The following DNAJC10 variants were observed in gnomAD, a reference collection of about 807,000 sequenced individuals.
DNAJC10 encodes the protein DnaJ heat shock protein family (Hsp40) member C10.
In DNAJC10, 101 loss-of-function variants were observed where a neutral mutation model predicts 115.0. The observed-to-expected ratio is 0.88, with a 90% CI of 0.75 to 1.04. The LOEUF (loss-of-function observed/expected upper bound fraction) is 1.04, where lower values mean the gene tolerates loss of function less well. Among genes scored for constraint, DNAJC10 ranks in the 50% least tolerant of loss-of-function variants. The pLI, the probability that DNAJC10 is intolerant of heterozygous loss-of-function variation, is 0.00. For missense variants in DNAJC10, 981 were observed against 928.8 expected (o/e 1.06, Z -0.73); for synonymous variants, 307 against 301.5 (o/e 1.02, Z -0.19).
At chr2:182,755,859 A>T (rs1361554466) in intron 17 of DNAJC10, among the ~76,000 whole-genome samples, 2 of 152,194 alleles carry the variant, frequency 1.3e-5, no homozygotes, top group Non-Finnish European at 2.9e-5. Flanking sequence ...CCATGCAGAA[A>T]CTTAAAGTTG....
At chr2:182,724,854 A>G (rs1298156960) in intron 5 of DNAJC10, among the ~76,000 whole-genome samples, 1 of 152,202 alleles carries the variant, frequency 6.6e-6, no homozygotes, top group African/African-American at 2.4e-5. Flanking sequence ...TTACTCAGCA[A>G]TCAGTGGGAA....
chr2:182,728,523 G>A, intron 5 of DNAJC10, 53 bp from the exon 6 acceptor site: 1 of 1,332,840 alleles, frequency 7.5e-7, no homozygotes, highest in African/African-American at 1.5e-5. Context: ...ACTAAAATAT[G>A]CATGAACCTT....
chr2:182,722,721 G>A (rs1465367998), intron 5 of DNAJC10, among the ~76,000 whole-genome samples: 2 of 151,996 alleles, frequency 1.3e-5, no homozygotes, highest in African/African-American at 2.4e-5. Flanking sequence ...CAGGCAGATC[G>A]CTTGAGATCA....
chr2:182,773,504 T>C (rs1694622128), intron 22 of DNAJC10, among the ~76,000 whole-genome samples: 1 of 152,212 alleles, frequency 6.6e-6, no homozygotes, highest in South Asian at 2.1e-4. Flanking sequence ...AGTCCCATAT[T>C]TCTTGGAGGT....
In DNAJC10 at chr2:182,784,658, G is replaced by A; in HGVS notation, c.*7526G>A. 1 of 152,140 alleles carries A rather than the reference G, an allele frequency of 6.6e-6. No individual in the cohort carries two copies. Among genetic ancestry groups the A allele is most frequent in the South Asian group, 2.1e-4 (1 of 4,828 alleles). 9.4% of individuals were successfully genotyped at this position (152,140 alleles called of 1,614,324 possible). On this transcript the variant is annotated 3_prime_UTR_variant, in exon 24 of 24. Transcript: ENST00000264065. Reference sequence around the variant, plus strand: ...TAAATAATGATAAGTTTAATTTGCAGCCCTTATAGCTTAGAGGCATTGTAG... The same window carrying A: ...TAAATAATGATAAGTTTAATTTGCAACCCTTATAGCTTAGAGGCATTGTAG...
At position 182,783,425 on chromosome 2, in the gene DNAJC10, CAT is replaced by C. The variant is rs1694890441; in HGVS notation, c.*6297_*6298del. ...GTATATGGCGTTAAGGCAAAAAATA[CAT>C]ATACACACACAAAAAAAATATTTCA... On this transcript the variant is annotated 3_prime_UTR_variant, in exon 24 of 24. Coordinates refer to ENST00000264065, the MANE Select transcript of DNAJC10 (RefSeq NM_018981.4). 6.6e-6 allele frequency: 1 copy of C among 152,100 alleles called. No individual in the cohort carries two copies. The highest frequency in any genetic ancestry group is 1.5e-5 in the Non-Finnish European group (1 of 68,012). The allele number at this position is 152,100 out of a possible 1,614,324, so 9.4% of individuals were successfully genotyped here.
intron 22 of DNAJC10, among the ~76,000 whole-genome samples, chr2:182,767,309 G>A (rs547649045): frequency 2.6e-5 from 4 of 152,310 alleles, no homozygotes; most frequent in East Asian, 3.9e-4. Context: ...CTAAGGTTCC[G>A]TGATCAGGAA....
chr2:182,756,568 T>G, intron 18 of DNAJC10, 99 bp downstream of exon 18: 1 of 1,169,312 alleles, frequency 8.6e-7, no homozygotes, highest in South Asian at 1.5e-5. Context: ...CACAACTAAA[T>G]TATTACTTAA....
At chr2:182,723,507 A>G (rs776642269) in intron 5 of DNAJC10, among the ~76,000 whole-genome samples, 41 of 152,230 alleles carry the variant, frequency 2.7e-4, no homozygotes, top group Non-Finnish European at 3.7e-4. Flanking sequence ...AAATAAGACA[A>G]TTTGATTCAT....
At chr2:182,741,539 A>T (rs991031847) in intron 13 of DNAJC10, among the ~76,000 whole-genome samples, 183 bp downstream of exon 13, 11 of 152,044 alleles carry the variant, frequency 7.2e-5, no homozygotes, top group African/African-American at 2.7e-4. Context: ...ATGTAATCTG[A>T]AAGTGGTTAA....
At chr2:182,734,734 TG>T (rs1693543434) in intron 10 of DNAJC10, among the ~76,000 whole-genome samples, 1 of 151,850 alleles carries the variant, frequency 6.6e-6, no homozygotes, top group Non-Finnish European at 1.5e-5. Context: ...TCTATTTTGA[TG>T]CTTTGTTATT....
chr2:182,766,264 A>G (rs1286344265), intron 22 of DNAJC10, among the ~76,000 whole-genome samples: 2 of 152,196 alleles, frequency 1.3e-5, no homozygotes, highest in South Asian at 2.1e-4. Flanking sequence ...GACCACATCT[A>G]TGGTCATACT....
intron 22 of DNAJC10, among the ~76,000 whole-genome samples, chr2:182,766,782 T>C (rs1694423327): frequency 6.6e-6 from 1 of 152,118 alleles, no homozygotes; most frequent in Admixed American, 6.6e-5. Flanking sequence ...CACCTAATCA[T>C]ACAAATGTTC....
intron 5 of DNAJC10, among the ~76,000 whole-genome samples, chr2:182,723,796 C>G (rs187878373): frequency 6.6e-6 from 1 of 152,278 alleles, no homozygotes; most frequent in Admixed American, 6.5e-5. Context: ...TCAGATGTGT[C>G]ACTATGCAGA....
rs1211731252 is a variant in DNAJC10 at position 182,786,419 on chromosome 2, T to G, written c.*9287T>G. Reference sequence around the variant, plus strand: ...CTGGAAAATTGTAATCCTGTTCCCTTCACTGAGGTCATAATACTGAATTCT... The same window carrying G: ...CTGGAAAATTGTAATCCTGTTCCCTGCACTGAGGTCATAATACTGAATTCT... On this transcript the variant is annotated 3_prime_UTR_variant, in exon 24 of 24. Transcript: ENST00000264065. 3.9e-5 allele frequency: 6 copies of G among 152,178 alleles called. No homozygotes were observed. The highest frequency in any genetic ancestry group is 8.8e-5 in the Non-Finnish European group (6 of 68,034). 9.4% of individuals were successfully genotyped at this position (152,178 alleles called of 1,614,324 possible). A position where few individuals can be genotyped will look rare whatever the true frequency, so the allele number is the denominator to read the frequency against.
intron 16 of DNAJC10, 41 bp from the exon 17 acceptor site, chr2:182,754,962 A>C: frequency 7.1e-7 from 1 of 1,414,584 alleles, no homozygotes; most frequent in Middle Eastern, 1.8e-4. Context: ...CAAATAGGTG[A>C]AATCTATAAA....
intron 22 of DNAJC10, among the ~76,000 whole-genome samples, chr2:182,766,952 C>T (rs140483278): frequency 6.6e-6 from 1 of 152,066 alleles, no homozygotes; most frequent in Non-Finnish European, 1.5e-5. Context: ...GAGGAAAAGG[C>T]TCCAGTCTGT....
At position 182,740,386 on chromosome 2, in the gene DNAJC10, G is replaced by T; in HGVS notation, c.1075G>T (p.Glu359Ter). The change falls in exon 12 of 24, where the codon GAG becomes TAG. Residue 359 changes from glutamate to a stop codon, truncating the protein, a stop_gained and splice_region_variant. Coordinates refer to ENST00000264065, the MANE Select transcript of DNAJC10 (RefSeq NM_018981.4). LOFTEE classifies it high-confidence loss of function. Reference sequence around the variant, plus strand: ...TGAACTACTTTCGGCAAACACACTAGAGGTAATGTTTTTATTAATAATGAT... The same window carrying T: ...TGAACTACTTTCGGCAAACACACTATAGGTAATGTTTTTATTAATAATGAT... The part of the protein sequence containing the change: ...DFELLSANTL[E>*]DRLAHHRWLL... The T allele has an allele frequency of 6.4e-7, 1 of 1,564,190 alleles. No homozygotes were observed. Among genetic ancestry groups the T allele is most frequent in the Non-Finnish European group, 8.6e-7 (1 of 1,162,256 alleles).
chr2:182,766,474 A>G (rs1694415382), intron 22 of DNAJC10, among the ~76,000 whole-genome samples: 1 of 152,212 alleles, frequency 6.6e-6, no homozygotes. Flanking sequence ...TGTAAGCAGA[A>G]TCACTAACTA....
Sources: gnomAD v4.1 joint callset for allele counts (sites outside exome capture counted in the v4.1 genomes callset) on GRCh38, gnomAD v4.1.1 for gene constraint, MANE v1.5 for transcripts, NCBI Gene and HGNC (gene_info 2026-07-23, HGNC 2026-07-21) for gene names.